The following FRYL variants were observed in gnomAD, a reference collection of about 807,000 sequenced individuals.
FRYL encodes FRY like transcription coactivator.
Under a neutral mutation model 351.2 loss-of-function variants are expected in FRYL, and 150 were observed. The ratio of observed to expected loss-of-function variants is 0.43; its 90% CI spans 0.37 to 0.49. The LOEUF (loss-of-function observed/expected upper bound fraction) is 0.49, where lower values mean the gene tolerates loss of function less well. Among genes scored for constraint, FRYL ranks in the 20% least tolerant of loss-of-function variants. The pLI, the probability that FRYL is intolerant of heterozygous loss-of-function variation, is 0.00. For synonymous variants in FRYL, 1,153 were observed against 1,257.1 expected (o/e 0.92, Z 1.75); for missense variants, 3,036 against 3,619.3 (o/e 0.84, Z 4.13).
intron 9 of FRYL, among the ~76,000 whole-genome samples, chr4:48,607,719 T>C (rs1363466992): frequency 6.6e-6 from 1 of 152,184 alleles, no homozygotes; most frequent in Admixed American, 6.5e-5. Context: ...GTTTATTACA[T>C]GCATGAGCAG....
chr4:48,562,926 G>T lies in FRYL; in HGVS notation c.3659C>A (p.Ser1220Tyr). 6.2e-7 allele frequency: 1 copy of T among 1,608,318 alleles called. No homozygotes were observed. Among genetic ancestry groups the T allele is most frequent in the Non-Finnish European group, 8.5e-7 (1 of 1,175,666 alleles). Residue 1220 changes from serine to tyrosine, a missense_variant, in exon 32 of 64, where the codon TCT (serine) becomes TAT (tyrosine). This residue lies in a region of FRYL where 1,987 missense variants were observed against 2,311.7 expected (regional missense o/e 0.86). Transcript: ENST00000358350. ...CATAGCAACTTCATAGATACTTCTAGAAGAATCAGCTGCTTTAAACAGTAT... is the reference window on the plus strand; with the variant it reads ...CATAGCAACTTCATAGATACTTCTATAAGAATCAGCTGCTTTAAACAGTAT... The part of the protein sequence containing the change: ...NLILFKAADS[S>Y]RSIYEVAMQL...
intron 27 of FRYL, among the ~76,000 whole-genome samples, chr4:48,569,700 TC>T (rs1350702813): frequency 9.9e-5 from 15 of 152,254 alleles, no homozygotes; most frequent in African/African-American, 3.4e-4. Context: ...TCAAAAGCAT[TC>T]AATGCTACAT....
intron 2 of FRYL, among the ~76,000 whole-genome samples, chr4:48,705,524 A>C (rs546369502): frequency 3.3e-5 from 5 of 150,522 alleles, no homozygotes; most frequent in African/African-American, 1.2e-4. Context: ...ATATAAGGAG[A>C]CATATGAATA....
chr4:48,643,449 A>C (rs1038663470), intron 3 of FRYL, among the ~76,000 whole-genome samples: 11 of 152,180 alleles, frequency 7.2e-5, no homozygotes, highest in African/African-American at 2.4e-4. Flanking sequence ...GTAGCAAACA[A>C]AGTAATATAA....
chr4:48,588,568 G>GCATGATCT (rs1366089857), intron 18 of FRYL, among the ~76,000 whole-genome samples: 1 of 152,182 alleles, frequency 6.6e-6, no homozygotes, highest in East Asian at 1.9e-4. Context: ...CTCAGGCACA[G>GCATGATCT]CATGATCTCC....
chr4:48,703,136 A>T (rs552909750), intron 2 of FRYL, among the ~76,000 whole-genome samples: 14 of 152,166 alleles, frequency 9.2e-5, no homozygotes, highest in Non-Finnish European at 1.9e-4. Flanking sequence ...ACAATCATAG[A>T]ACCACCGTAA....
intron 3 of FRYL, among the ~76,000 whole-genome samples, chr4:48,660,013 T>A (rs1760377611): frequency 6.6e-6 from 1 of 151,236 alleles, no homozygotes; most frequent in South Asian, 2.1e-4. Flanking sequence ...GCAGGGCTCC[T>A]TGGAGAAATT....
At chr4:48,576,271 T>A (rs1739581002) in intron 23 of FRYL, 49 bp from the exon 24 acceptor site, 2 of 1,361,416 alleles carry the variant, frequency 1.5e-6, no homozygotes, top group African/African-American at 1.5e-5. Context: ...CACAACACGT[T>A]TTTAAAAGTT....
At chr4:48,513,201 A>C (rs1358144463) in intron 56 of FRYL, among the ~76,000 whole-genome samples, 2 of 152,350 alleles carry the variant, frequency 1.3e-5, no homozygotes, top group Non-Finnish European at 1.5e-5. Flanking sequence ...TAAAAAGTTC[A>C]GTAAGGTTAA....
intron 3 of FRYL, among the ~76,000 whole-genome samples, chr4:48,663,120 TAAAGTA>T (rs1317050945): frequency 5.3e-5 from 8 of 152,014 alleles, no homozygotes; most frequent in Non-Finnish European, 1.0e-4. Flanking sequence ...ATTAACTATT[TAAAGTA>T]AAAGTAATTA....
intron 1 of FRYL, among the ~76,000 whole-genome samples, chr4:48,770,496 G>A (rs1311510352): frequency 6.6e-6 from 1 of 151,778 alleles, no homozygotes; most frequent in Non-Finnish European, 1.5e-5. Context: ...GGAGTGCAAT[G>A]GTGCAATCTC....
At position 48,780,220 on chromosome 4, in the gene FRYL, T is replaced by G. The variant is rs907568124; in HGVS notation, c.-526A>C. ...GAACCGATCTGTGGTTAAACCTCCC[T>G]CCGACTCTGATTTTAACCGGATTTC... On this transcript the variant is annotated 5_prime_UTR_variant, in exon 1 of 64. Transcript: ENST00000358350. 6.6e-6 allele frequency: 1 copy of G among 152,640 alleles called. No homozygotes were observed. The highest frequency in any genetic ancestry group is 1.5e-5 in the Non-Finnish European group (1 of 68,192). The allele number at this position is 152,640 out of a possible 1,614,324, so 9.5% of individuals were successfully genotyped here.
At position 48,673,640 on chromosome 4, in the gene FRYL, G is replaced by T. The variant is rs1181428570; in HGVS notation, c.-81+11033C>A. ...AATGCAATGCAATAGAGTAGAAGGA[G>T]CAAACGCCTTATTTTAAAACAATGG... On this transcript the variant is annotated intron_variant, in intron 3 of 63. Coordinates refer to ENST00000358350, the MANE Select transcript of FRYL (RefSeq NM_015030.2). Among the ~76,000 whole-genome samples the T allele has an allele frequency of 2.6e-5, 4 of 152,166 alleles. No individual in the cohort carries two copies. The East Asian group carries it at 7.7e-4, about 29-fold the overall frequency.
At chr4:48,603,193 T>G (rs2149255650) in intron 12 of FRYL, 97 bp downstream of exon 12, 1 of 896,696 alleles carries the variant, frequency 1.1e-6, no homozygotes, top group Non-Finnish European at 1.8e-6. Flanking sequence ...TTTTACAATT[T>G]CAGATTTTAC....
At chr4:48,678,342 C>T (rs1425411814) in intron 3 of FRYL, among the ~76,000 whole-genome samples, 2 of 151,540 alleles carry the variant, frequency 1.3e-5, no homozygotes, top group South Asian at 2.1e-4. Context: ...ACCATAAAAA[C>T]CCTAGAAATA....
rs1737123814 is a variant in FRYL, at chr4:48,567,811, T to C, written c.2997-391A>G. Among the ~76,000 whole-genome samples the C allele has an allele frequency of 6.6e-6, 1 of 152,220 alleles. No individual in the cohort carries two copies. The highest frequency in any genetic ancestry group is 6.5e-5 in the Admixed American group (1 of 15,282). ...TATTTATTCATAGCTGCCATGTCTA[T>C]TCATATTGTGCCTTCAGCATAATTA... On this transcript the variant is annotated intron_variant, in intron 27 of 63. Coordinates refer to ENST00000358350, the MANE Select transcript of FRYL (RefSeq NM_015030.2). This position sits in a 1 kb window ranked among gnomAD's most constrained non-coding sequence, Gnocchi z 4.2.
At chr4:48,611,215 TC>T (rs1349449866) in intron 7 of FRYL, among the ~76,000 whole-genome samples, 105 of 152,236 alleles carry the variant, frequency 6.9e-4, no homozygotes, top group Middle Eastern at 3.4e-3. Flanking sequence ...TTAAATCATC[TC>T]TATCTAGATT....
chr4:48,718,934 C>T (rs1310109373), intron 1 of FRYL, among the ~76,000 whole-genome samples: 1 of 151,382 alleles, frequency 6.6e-6, no homozygotes, highest in East Asian at 1.9e-4. Flanking sequence ...CTTCTCCCTT[C>T]TCACCTCTCA....
chr4:48,540,369 A>C lies in FRYL; in HGVS notation c.6279T>G (p.Asp2093Glu), dbSNP rs189758316. 25 of 1,613,252 alleles carry C rather than the reference A, an allele frequency of 1.5e-5. No individual in the cohort carries two copies. The African/African-American group carries it at 3.2e-4, about 21-fold the overall frequency. The change falls in exon 46 of 64, where the codon GAT becomes GAG. Residue 2093 changes from aspartate to glutamate, a missense_variant. Physicochemically the swap from Asp to Glu is conservative, Grantham distance 45. Coordinates refer to ENST00000358350, the MANE Select transcript of FRYL (RefSeq NM_015030.2). ...LISVSKHTLV[D>E]PSQLSGFPLN... ...TAACATCACCTGACAATTGGGAAGGATCCACCAATGTATGTTTGGAGACAG... is the reference window on the plus strand; with the variant it reads ...TAACATCACCTGACAATTGGGAAGGCTCCACCAATGTATGTTTGGAGACAG...
Sources: gnomAD v4.1 joint callset for allele counts (sites outside exome capture counted in the v4.1 genomes callset) on GRCh38, gnomAD v4.1.1 for gene constraint, gnomAD v4.1.1 regional missense constraint, Gnocchi (gnomAD v3.1) non-coding constraint, MANE v1.5 for transcripts, NCBI Gene and HGNC (gene_info 2026-07-23, HGNC 2026-07-21) for gene names.